GAS2: variants seen among roughly 807,000 people sequenced by gnomAD.
The protein encoded by GAS2 is growth arrest specific 2, also known as growth arrest-specific protein 2.
Under a neutral mutation model 37.5 loss-of-function variants are expected in GAS2, and 20 were observed. The observed-to-expected ratio is 0.53, with a 90% CI of 0.37 to 0.77. GAS2 has a LOEUF of 0.77. Ranked by LOEUF, GAS2 falls within the 30% of genes least tolerant of loss-of-function variation. The pLI is 0.00. For missense variants in GAS2, 336 were observed against 373.4 expected, an observed-to-expected ratio of 0.90 and a Z score of 0.82; for synonymous variants, 144 against 132.2, an observed-to-expected ratio of 1.09 and a Z score of -0.61.
intron 6 of GAS2, among the ~76,000 whole-genome samples, chr11:22,751,560 C>G: frequency 6.6e-6 from 1 of 151,930 alleles, no homozygotes; most frequent in East Asian, 1.9e-4. Flanking sequence ...TGAAACTTCT[C>G]CCTTATTCTG....
intron 4 of GAS2, among the ~76,000 whole-genome samples, chr11:22,727,169 T>A (rs1172745078): frequency 6.6e-6 from 1 of 152,088 alleles, no homozygotes; most frequent in Non-Finnish European, 1.5e-5. Context: ...AAACTTTCCA[T>A]GTAGGCTCCA....
intron 1 of GAS2, among the ~76,000 whole-genome samples, chr11:22,637,164 T>G (rs1282395825): frequency 4.0e-5 from 5 of 125,428 alleles, no homozygotes; most frequent in South Asian, 2.4e-4. Context: ...TATGTTAATA[T>G]TATATTAATA....
chr11:22,693,348 G>A (rs1047567396), intron 3 of GAS2, among the ~76,000 whole-genome samples: 2 of 152,166 alleles, frequency 1.3e-5, no homozygotes, highest in African/African-American at 4.8e-5. Flanking sequence ...TCATTGAAAA[G>A]ACCACATCTG....
At position 22,726,450 on chromosome 11, in the gene GAS2, G is replaced by T; in HGVS notation, c.409+17G>T. Reference sequence around the variant, plus strand: ...AAGGTTTGGGTATGTATTAACTTCAGAATTTTAGTTGATAAGATACGCAAA... The same window carrying T: ...AAGGTTTGGGTATGTATTAACTTCATAATTTTAGTTGATAAGATACGCAAA... On this transcript the variant is annotated intron_variant, in intron 4 of 7. Coordinates refer to ENST00000454584, the MANE Select transcript of GAS2 (RefSeq NM_001143830.3). The T allele has an allele frequency of 1.9e-6, 3 of 1,599,538 alleles. No individual in the cohort carries two copies. Among genetic ancestry groups the T allele is most frequent in the Non-Finnish European group, 2.6e-6 (3 of 1,172,976 alleles).
chr11:22,712,469 C>T (rs1851455174), intron 3 of GAS2, among the ~76,000 whole-genome samples: 1 of 152,162 alleles, frequency 6.6e-6, no homozygotes, highest in Admixed American at 6.5e-5. Context: ...AGGAGTCTGG[C>T]TCTCAGGAAG....
chr11:22,766,860 G>T (rs1241657762), intron 7 of GAS2, among the ~76,000 whole-genome samples: 1 of 151,940 alleles, frequency 6.6e-6, no homozygotes, highest in African/African-American at 2.4e-5. Flanking sequence ...ATTTCAATAG[G>T]TATGGAAGGA....
At position 22,812,472 on chromosome 11, in the gene GAS2, G is replaced by A. The variant is rs1590159953; in HGVS notation, c.*456G>A. 7.6e-6 allele frequency: 1 copy of A among 131,998 alleles called. No individual in the cohort carries two copies. 8.2% of individuals were successfully genotyped at this position (131,998 alleles called of 1,614,324 possible). A position where few individuals can be genotyped will look rare whatever the true frequency, so the allele number is the denominator to read the frequency against. ...ACAAAATGATGATTAGTGTGATAAT[G>A]TGCTGCAAAAAATATCCAACAGCAC... On this transcript the variant is annotated 3_prime_UTR_variant, in exon 8 of 8. Transcript: ENST00000454584.
At chr11:22,675,505 T>A (rs1849387008) in intron 2 of GAS2, among the ~76,000 whole-genome samples, 1 of 152,174 alleles carries the variant, frequency 6.6e-6, no homozygotes, top group Non-Finnish European at 1.5e-5. Context: ...CACCCTGAAC[T>A]AAAATTTTTC....
intron 7 of GAS2, among the ~76,000 whole-genome samples, chr11:22,790,585 TC>T (rs1469154213): frequency 7.6e-6 from 1 of 131,904 alleles, no homozygotes; most frequent in African/African-American, 2.7e-5. Context: ...GTTTTCTTCT[TC>T]TCTATTTTTT....
intron 6 of GAS2, among the ~76,000 whole-genome samples, chr11:22,755,453 A>G (rs1163719803): frequency 5.9e-5 from 9 of 152,156 alleles, no homozygotes; most frequent in Non-Finnish European, 1.3e-4. Context: ...GAAGTAACAT[A>G]AACTCTATGT....
At chr11:22,697,014 T>C (rs921924634) in intron 3 of GAS2, among the ~76,000 whole-genome samples, 12 of 151,718 alleles carry the variant, frequency 7.9e-5, no homozygotes, top group Admixed American at 7.9e-4. Flanking sequence ...ATGAAGTCCT[T>C]GCCCATGCCT....
rs1210747779 is a variant in GAS2, at chr11:22,653,023, C to CTTTCTTTCTTTCTTTT, written c.-20-21814_-20-21813insTTTTTTCTTTCTTTCT. On this transcript the variant is annotated intron_variant, in intron 1 of 5. Coordinates refer to the GAS2 transcript ENST00000528582. ...TCTTTCTTTCTTTCTTTCTTTCTTT[C>CTTTCTTTCTTTCTTTT]TTTCTTTCTTTCTCTTTCTTTCTTT... 6.8e-5 allele frequency among the ~76,000 whole-genome samples: 10 copies of CTTTCTTTCTTTCTTTT among 147,370 alleles called. No homozygotes were observed. The East Asian group carries it at 2.0e-3, about 30-fold the overall frequency.
intron 1 of GAS2, among the ~76,000 whole-genome samples, chr11:22,670,590 T>G (rs768427132): frequency 1.8e-4 from 28 of 152,146 alleles, no homozygotes; most frequent in Non-Finnish European, 3.4e-4. Context: ...TTTGGCACAT[T>G]TCTGATGGTG....
At chr11:22,693,761 T>C (rs954867454) in intron 3 of GAS2, among the ~76,000 whole-genome samples, 1 of 152,206 alleles carries the variant, frequency 6.6e-6, no homozygotes, top group Non-Finnish European at 1.5e-5. Context: ...GAATGCATAG[T>C]AAACAGATCA....
intron 3 of GAS2, among the ~76,000 whole-genome samples, chr11:22,695,681 GA>G (rs1267026192): frequency 6.6e-6 from 1 of 152,066 alleles, no homozygotes; most frequent in Non-Finnish European, 1.5e-5. Context: ...CTATTCAGTG[GA>G]AAATTCTTCC....
chr11:22,758,323 C>T (rs1175076948), intron 7 of GAS2, among the ~76,000 whole-genome samples: 3 of 152,104 alleles, frequency 2.0e-5, no homozygotes, highest in African/African-American at 4.8e-5. Context: ...TTCACATGGG[C>T]GTATTTTAAA....
At chr11:22,693,993 C>T (rs764850695) in intron 3 of GAS2, among the ~76,000 whole-genome samples, 12 of 152,070 alleles carry the variant, frequency 7.9e-5, no homozygotes, top group Non-Finnish European at 1.6e-4. Context: ...AGGGGAACAA[C>T]ACACACTGGT....
intron 3 of GAS2, among the ~76,000 whole-genome samples, chr11:22,707,079 T>C (rs1275288634): frequency 3.3e-5 from 5 of 152,184 alleles, no homozygotes; most frequent in East Asian, 1.9e-4. Context: ...ATTTCTCTGA[T>C]GGTTTTGAGA....
chr11:22,780,361 G>A (rs548496763), intron 7 of GAS2, among the ~76,000 whole-genome samples: 35 of 152,006 alleles, frequency 2.3e-4, no homozygotes, highest in African/African-American at 8.4e-4. Context: ...CAGACGTGGC[G>A]GCATGCACTT....
Sources: gnomAD v4.1 joint callset for allele counts (sites outside exome capture counted in the v4.1 genomes callset) on GRCh38, gnomAD v4.1.1 for gene constraint, MANE v1.5 for transcripts, NCBI Gene and HGNC (gene_info 2026-07-23, HGNC 2026-07-21) for gene names.